The following ANHX variants were observed in gnomAD, a reference collection of about 807,000 sequenced individuals.
The protein encoded by ANHX is anomalous homeobox protein.
A neutral mutation model predicts 38.9 loss-of-function variants in ANHX; 20 were observed. The ratio of observed to expected loss-of-function variants is 0.51; its 90% CI spans 0.36 to 0.75. The LOEUF (loss-of-function observed/expected upper bound fraction) is 0.75, where lower values mean the gene tolerates loss of function less well. Ranked by LOEUF, ANHX falls within the 30% of genes least tolerant of loss-of-function variation. ANHX has a pLI of 0.00. For missense variants in ANHX, 475 were observed against 493.1 expected (o/e 0.96, Z 0.35); for synonymous variants, 185 against 203.1 (o/e 0.91, Z 0.76).
chr12:133,219,248 G>C (rs1010321171), intron 9 of ANHX, 35 bp downstream of exon 9: 21 of 1,504,588 alleles, frequency 1.4e-5, no homozygotes, highest in Non-Finnish European at 1.8e-5. Context: ...CAGGAGTAAA[G>C]AGGGAATCCT....
intron 7 of ANHX, among the ~76,000 whole-genome samples, chr12:133,222,916 C>G (rs758623149): frequency 6.6e-6 from 1 of 152,168 alleles, no homozygotes; most frequent in South Asian, 2.1e-4. Flanking sequence ...GTTGGCCGGG[C>G]GCAGTGGCTC....
intron 7 of ANHX, among the ~76,000 whole-genome samples, chr12:133,224,922 A>T (rs139845646): frequency 6.7e-6 from 1 of 148,278 alleles, no homozygotes. Context: ...AGCCGAGATC[A>T]CGCCACTGCA....
Position 133,234,088 on chromosome 12 carries a change from C to A in ANHX, c.249+20G>T, listed in dbSNP as rs1343188024. 1.3e-6 allele frequency: 2 copies of A among 1,534,074 alleles called. No individual in the cohort carries two copies. The highest frequency in any genetic ancestry group is 4.9e-5 in the East Asian group (2 of 40,916). On this transcript the variant is annotated intron_variant, in intron 2 of 9. Coordinates refer to ENST00000545940, the MANE Select transcript of ANHX (RefSeq NM_001372060.1). Reference sequence around the variant, plus strand: ...AGTTGCTACCTCTCTCTGTACCCTACCCCTGTAGCCCAGGCCTACCTCCAG... The same window carrying A: ...AGTTGCTACCTCTCTCTGTACCCTAACCCTGTAGCCCAGGCCTACCTCCAG...
chr12:133,234,501 T>G, intron 1 of ANHX, 123 bp from the exon 2 acceptor site: 2 of 1,138,274 alleles, frequency 1.8e-6, no homozygotes, highest in African/African-American at 1.6e-5. Flanking sequence ...ACTTGTAGAG[T>G]AGGAATAAGA....
intron 8 of ANHX, 38 bp from the exon 9 acceptor site, chr12:133,219,405 A>G (rs1236152526): frequency 1.4e-6 from 2 of 1,399,944 alleles, no homozygotes; most frequent in Non-Finnish European, 9.5e-7. Flanking sequence ...CCCTATCTCA[A>G]GGGGACACTG....
intron 3 of ANHX, among the ~76,000 whole-genome samples, chr12:133,229,619 C>T (rs1397294352): frequency 6.6e-6 from 1 of 152,176 alleles, no homozygotes; most frequent in Non-Finnish European, 1.5e-5. Flanking sequence ...AGCCACGATC[C>T]CAGCCCTGGG....
In ANHX at chr12:133,231,382, A is replaced by C. The variant is rs1384654955; in HGVS notation, c.377+135T>G. On this transcript the variant is annotated intron_variant, in intron 3 of 9. Coordinates refer to ENST00000545940, the MANE Select transcript of ANHX (RefSeq NM_001372060.1). ...ATCTTATGCTGACTACACTGTGACT[A>C]TTACTGCTCCGGCGGACATTTCCTG... 8.0e-6 allele frequency: 10 copies of C among 1,248,686 alleles called. No homozygotes were observed. In the Admixed American group the frequency reaches 2.0e-4, roughly 25 times the overall value. The allele number at this position is 1,248,686 out of a possible 1,614,324, so 77.4% of individuals were successfully genotyped here.
intron 8 of ANHX, among the ~76,000 whole-genome samples, chr12:133,219,575 T>C (rs564674734): frequency 3.9e-5 from 6 of 152,044 alleles, no homozygotes; most frequent in Middle Eastern, 6.8e-3. Context: ...CGGTGGGTCA[T>C]AGGGGCAACT....
intron 2 of ANHX, among the ~76,000 whole-genome samples, chr12:133,233,713 T>C (rs1957319770): frequency 6.6e-6 from 1 of 152,196 alleles, no homozygotes; most frequent in Non-Finnish European, 1.5e-5. Flanking sequence ...GAGATACTTT[T>C]GGTTTTCAGA....
intron 8 of ANHX, among the ~76,000 whole-genome samples, chr12:133,219,616 G>A (rs1256814053): frequency 6.6e-6 from 1 of 152,174 alleles, no homozygotes; most frequent in East Asian, 1.9e-4. Flanking sequence ...GGTCATGGAA[G>A]AGCCAGTGAA....
chr12:133,225,843 G>A lies in ANHX; in HGVS notation c.840-15C>T, dbSNP rs889527476. On this transcript the variant is annotated splice_polypyrimidine_tract_variant and intron_variant, in intron 6 of 9. Coordinates refer to ENST00000545940, the MANE Select transcript of ANHX (RefSeq NM_001372060.1). ...CTGGCAGAGACCTGGGGGACATGGA[G>A]AACACTGTCTCTTGGTGGGCAGAGC... 5.3e-5 allele frequency among the ~76,000 whole-genome samples: 8 copies of A among 152,206 alleles called. No individual in the cohort carries two copies. Among genetic ancestry groups the A allele is most frequent in the African/African-American group, 1.9e-4 (8 of 41,440 alleles).
intron 8 of ANHX, among the ~76,000 whole-genome samples, chr12:133,220,287 G>C (rs1682137643): frequency 6.6e-6 from 1 of 152,134 alleles, no homozygotes; most frequent in Non-Finnish European, 1.5e-5. Context: ...ATCGGAACAG[G>C]GAGGCATGGG....
chr12:133,224,829 T>C (rs1197390363), intron 7 of ANHX, among the ~76,000 whole-genome samples: 4 of 149,932 alleles, frequency 2.7e-5, no homozygotes, highest in African/African-American at 7.4e-5. Flanking sequence ...TAGCCAGGCG[T>C]GGTGGCGGGC....
intron 2 of ANHX, among the ~76,000 whole-genome samples, chr12:133,231,893 T>C (rs569619306): frequency 7.9e-5 from 12 of 152,318 alleles, no homozygotes; most frequent in Admixed American, 6.5e-4. Flanking sequence ...GGTCACCTCA[T>C]AGACCTTGGG....
At chr12:133,231,756 G>A (rs564931978) in intron 2 of ANHX, 112 bp from the exon 3 acceptor site, 1 of 1,341,806 alleles carries the variant, frequency 7.5e-7, no homozygotes, top group Non-Finnish European at 1.0e-6. Context: ...GTGATGGGAA[G>A]AGCAGGGTTC....
chr12:133,231,388 G>C (rs1248982994), intron 3 of ANHX, 129 bp downstream of exon 3: 2 of 1,292,842 alleles, frequency 1.5e-6, no homozygotes, highest in Non-Finnish European at 1.1e-6. Context: ...GACTATTACT[G>C]CTCCGGCGGA....
At chr12:133,224,200 G>C (rs1285577570) in intron 7 of ANHX, among the ~76,000 whole-genome samples, 1 of 152,070 alleles carries the variant, frequency 6.6e-6, no homozygotes, top group East Asian at 1.9e-4. Flanking sequence ...AAGGGAAAAT[G>C]GAGGGCCCCC....
In ANHX at chr12:133,234,287, G is replaced by C. The variant is rs1315186025; in HGVS notation, c.70C>G (p.Leu24Val). The part of the protein sequence containing the change: ...TCAPPAELVT[L>V]AGRLCRDFQD... ...AAGTCCCGGCACAGTCTGCCCGCAAGGGTCACCAGCTCCGCCGGGGGTGCA... is the reference window on the plus strand; with the variant it reads ...AAGTCCCGGCACAGTCTGCCCGCAACGGTCACCAGCTCCGCCGGGGGTGCA... Residue 24 changes from leucine to valine, a missense_variant, in exon 2 of 10, where the codon CTT becomes GTT. By Grantham distance (32) the Leu-to-Val change is conservative. Coordinates refer to ENST00000545940, the MANE Select transcript of ANHX (RefSeq NM_001372060.1). The C allele has an allele frequency of 1.3e-6, 2 of 1,536,068 alleles. No homozygotes were observed. The highest frequency in any genetic ancestry group is 1.4e-5 in the African/African-American group (1 of 73,060).
In ANHX at chr12:133,227,706, A is replaced by G. The variant is rs1014021371; in HGVS notation, c.501+118T>C. ...AGGTCCCTGTCCAGAGGAGGGGCTG[A>G]AACCACCAGCACCCTGGCGGATGAG... On this transcript the variant is annotated intron_variant, in intron 4 of 9. Coordinates refer to ENST00000545940, the MANE Select transcript of ANHX (RefSeq NM_001372060.1). The G allele has an allele frequency of 5.8e-5, 72 of 1,241,828 alleles. No individual in the cohort carries two copies. The East Asian group carries it at 1.8e-3, about 30-fold the overall frequency. The allele number at this position is 1,241,828 out of a possible 1,614,324, so 76.9% of individuals were successfully genotyped here.
Sources: gnomAD v4.1 joint callset for allele counts (sites outside exome capture counted in the v4.1 genomes callset) on GRCh38, gnomAD v4.1.1 for gene constraint, MANE v1.5 for transcripts, NCBI Gene and HGNC (gene_info 2026-07-23, HGNC 2026-07-21) for gene names.